The following KIF26B variants were observed in gnomAD, a reference collection of about 807,000 sequenced individuals.
KIF26B encodes kinesin-like protein KIF26B.
In KIF26B, 63 loss-of-function variants were observed where a neutral mutation model predicts 151.2. That is an observed-to-expected ratio of 0.42 (90% confidence interval 0.34 to 0.51). The LOEUF is 0.51. Ranked by LOEUF, KIF26B falls within the 20% of genes least tolerant of loss-of-function variation. The pLI is 0.07. For synonymous variants in KIF26B, 1,357 were observed against 1,262.1 expected, an observed-to-expected ratio of 1.08 and a Z score of -1.59; for missense variants, 2,813 against 2,913.6, an observed-to-expected ratio of 0.97 and a Z score of 0.79.
chr1:245,384,308 T>C (rs1003235915), intron 3 of KIF26B, among the ~76,000 whole-genome samples: 1 of 152,182 alleles, frequency 6.6e-6, no homozygotes. Context: ...ATAATAATTA[T>C]AGCTACCACT....
At chr1:245,605,844 T>C (rs2043446909) in intron 6 of KIF26B, among the ~76,000 whole-genome samples, 1 of 152,018 alleles carries the variant, frequency 6.6e-6, no homozygotes, top group Non-Finnish European at 1.5e-5. Context: ...GCACAGCAGG[T>C]CTCCTCTCGC....
intron 4 of KIF26B, among the ~76,000 whole-genome samples, chr1:245,517,356 A>G (rs1406660752): frequency 1.3e-5 from 2 of 148,206 alleles, no homozygotes; most frequent in African/African-American, 4.9e-5. Context: ...CTCTGTCTCA[A>G]AAAAAAAAAA....
At chr1:245,485,034 C>T (rs961621275) in intron 4 of KIF26B, among the ~76,000 whole-genome samples, 1 of 152,108 alleles carries the variant, frequency 6.6e-6, no homozygotes, top group African/African-American at 2.4e-5. Context: ...GAATATTATT[C>T]AGCAATGAAA....
At chr1:245,545,552 A>G (rs1661725326) in intron 5 of KIF26B, among the ~76,000 whole-genome samples, 1 of 152,214 alleles carries the variant, frequency 6.6e-6, no homozygotes, top group South Asian at 2.1e-4. Context: ...AAGCTCACCA[A>G]TTTGGGCCAA....
At chr1:245,201,864 G>A (rs1299832685) in intron 2 of KIF26B, among the ~76,000 whole-genome samples, 8 of 152,172 alleles carry the variant, frequency 5.3e-5, no homozygotes, top group African/African-American at 4.8e-5. Flanking sequence ...ACAGGAGTAC[G>A]ACTGTATTTG....
chr1:245,536,849 A>G (rs1274883297), intron 4 of KIF26B, among the ~76,000 whole-genome samples: 1 of 152,200 alleles, frequency 6.6e-6, no homozygotes, highest in Non-Finnish European at 1.5e-5. Flanking sequence ...GCTTCCTCAC[A>G]GCATGGAAGC....
intron 2 of KIF26B, among the ~76,000 whole-genome samples, chr1:245,192,457 C>T (rs933968342): frequency 6.6e-6 from 1 of 152,022 alleles, no homozygotes; most frequent in African/African-American, 2.4e-5. Context: ...ACTTTAAAAA[C>T]ATTTTTAATT....
At chr1:245,267,028 A>G (rs116668464) in intron 2 of KIF26B, among the ~76,000 whole-genome samples, 2,182 of 152,346 alleles carry the variant, frequency 0.014, 36 homozygotes, top group African/African-American at 0.033. Flanking sequence ...TCCACAGTGC[A>G]TATGCTAATA....
At chr1:245,587,043 A>G (rs1297103667) in intron 5 of KIF26B, among the ~76,000 whole-genome samples, 3 of 152,216 alleles carry the variant, frequency 2.0e-5, no homozygotes, top group Admixed American at 2.0e-4. Flanking sequence ...CATACGGGTG[A>G]GGAAACTGAG....
intron 10 of KIF26B, among the ~76,000 whole-genome samples, chr1:245,679,502 T>G (rs1267912105): frequency 7.4e-6 from 1 of 135,580 alleles, no homozygotes. Context: ...AAGGTCTTGC[T>G]CTGTCACCCA....
At chr1:245,548,120 A>C (rs531877312) in intron 5 of KIF26B, among the ~76,000 whole-genome samples, 137 of 152,284 alleles carry the variant, frequency 9.0e-4, no homozygotes, top group African/African-American at 2.8e-3. Flanking sequence ...AGACGTATCT[A>C]TGGGCAAGCT....
intron 2 of KIF26B, among the ~76,000 whole-genome samples, chr1:245,231,585 G>C (rs1488147484): frequency 1.3e-5 from 2 of 152,130 alleles, no homozygotes. Context: ...TCTACATACT[G>C]AAAGTTTCTA....
intron 2 of KIF26B, among the ~76,000 whole-genome samples, chr1:245,343,851 C>G (rs1328015631): frequency 6.6e-6 from 1 of 152,130 alleles, no homozygotes. Context: ...AATAAGAAAA[C>G]CTTTGTTCTG....
chr1:245,550,147 C>CCTCT (rs1661843758), intron 5 of KIF26B, among the ~76,000 whole-genome samples: 2 of 152,174 alleles, frequency 1.3e-5, no homozygotes, highest in Non-Finnish European at 2.9e-5. Flanking sequence ...CCTCAGTCTG[C>CCTCT]GTCTGTGTTC....
In KIF26B at chr1:245,564,087, C is replaced by T. The variant is rs1458410099; in HGVS notation, c.1350+23137C>T. ...GCTCGACACAGTCCAATCCCAAGTA[C>T]CAGTCAGGCTCCCACCGTCCCTTCC... On this transcript the variant is annotated intron_variant, in intron 5 of 14. Coordinates refer to ENST00000407071, the MANE Select transcript of KIF26B (RefSeq NM_018012.4). This position sits in a 1 kb window ranked among gnomAD's most constrained non-coding sequence, Gnocchi z 4.6. Among the ~76,000 whole-genome samples, 1 of 152,046 alleles carries T rather than the reference C, an allele frequency of 6.6e-6. No individual in the cohort carries two copies. The highest frequency in any genetic ancestry group is 1.5e-5 in the Non-Finnish European group (1 of 68,004).
At chr1:245,350,648 TGG>T (rs1672549047) in intron 2 of KIF26B, among the ~76,000 whole-genome samples, 1 of 152,134 alleles carries the variant, frequency 6.6e-6, no homozygotes, top group African/African-American at 2.4e-5. Context: ...AGCCATGCCC[TGG>T]GGGTACTTTC....
chr1:245,426,108 A>G (rs1034177302), intron 4 of KIF26B, among the ~76,000 whole-genome samples: 1 of 151,982 alleles, frequency 6.6e-6, no homozygotes. Context: ...AGAACTTACT[A>G]TCTTCAAATC....
At chr1:245,278,211 G>A (rs1670972712) in intron 2 of KIF26B, among the ~76,000 whole-genome samples, 1 of 152,064 alleles carries the variant, frequency 6.6e-6, no homozygotes, top group Non-Finnish European at 1.5e-5. Context: ...TCAATTTGAG[G>A]AGAACAATTT....
chr1:245,257,954 G>A (rs925081467), intron 2 of KIF26B, among the ~76,000 whole-genome samples: 4 of 152,036 alleles, frequency 2.6e-5, no homozygotes, highest in South Asian at 2.1e-4. Flanking sequence ...CCGGGAAGGC[G>A]GAGGTTGCAG....
Sources: gnomAD v4.1 joint callset for allele counts (sites outside exome capture counted in the v4.1 genomes callset) on GRCh38, gnomAD v4.1.1 for gene constraint, Gnocchi (gnomAD v3.1) non-coding constraint, MANE v1.5 for transcripts, NCBI Gene and HGNC (gene_info 2026-07-23, HGNC 2026-07-21) for gene names.